The following LHFPL2 variants were observed in gnomAD, a reference collection of about 807,000 sequenced individuals.
LHFPL2 encodes LHFPL tetraspan subfamily member 2, also known as LHFPL tetraspan subfamily member 2 protein.
Under a neutral mutation model 17.5 loss-of-function variants are expected in LHFPL2, and 7 were observed. The observed-to-expected ratio is 0.40, with a 90% CI of 0.23 to 0.75. LHFPL2 has a LOEUF of 0.75. Ranked by LOEUF, LHFPL2 falls within the 30% of genes least tolerant of loss-of-function variation. LHFPL2 has a pLI of 0.37. For missense variants in LHFPL2, 241 were observed against 294.8 expected (o/e 0.82, Z 1.34); for synonymous variants, 134 against 116.2 (o/e 1.15, Z -0.99).
chr5:78,539,636 C>G (rs1756047950), intron 3 of LHFPL2, among the ~76,000 whole-genome samples: 1 of 152,090 alleles, frequency 6.6e-6, no homozygotes, highest in African/African-American at 2.4e-5. Context: ...TCCAAACCCC[C>G]CACACCATCA....
intron 2 of LHFPL2, among the ~76,000 whole-genome samples, chr5:78,580,519 T>G (rs1743083330): frequency 6.7e-6 from 1 of 148,688 alleles, no homozygotes; most frequent in Non-Finnish European, 1.5e-5. Context: ...AATTGATTTT[T>G]GTATAAGGTG....
chr5:78,523,134 G>GTGTGTT (rs1755510645), intron 3 of LHFPL2, among the ~76,000 whole-genome samples: 1 of 150,500 alleles, frequency 6.6e-6, no homozygotes, highest in Non-Finnish European at 1.5e-5. Flanking sequence ...GTGTGTGTGT[G>GTGTGTT]TGTATTTCTG....
At chr5:78,496,741 CAT>C (rs138595047) in intron 4 of LHFPL2, among the ~76,000 whole-genome samples, 6,482 of 152,310 alleles carry the variant, frequency 0.043, 209 homozygotes, top group Non-Finnish European at 0.062. Context: ...CAGTTATTCT[CAT>C]ATGAATTTAA....
chr5:78,546,174 T>A (rs972122713), intron 3 of LHFPL2, among the ~76,000 whole-genome samples: 1 of 152,158 alleles, frequency 6.6e-6, no homozygotes, highest in Non-Finnish European at 1.5e-5. Context: ...TTGTTAAGAT[T>A]ATACTGCTGG....
At chr5:78,489,771 A>T (rs1580737062) in intron 4 of LHFPL2, among the ~76,000 whole-genome samples, 1 of 152,206 alleles carries the variant, frequency 6.6e-6, no homozygotes, top group Non-Finnish European at 1.5e-5. Context: ...GCCAAATGTT[A>T]ACTTTATAAG....
At chr5:78,634,876 T>C (rs574205135) in intron 1 of LHFPL2, among the ~76,000 whole-genome samples, 2 of 152,358 alleles carry the variant, frequency 1.3e-5, no homozygotes, top group South Asian at 2.1e-4. Flanking sequence ...ACATTTTATT[T>C]GTGATAAGAA....
At chr5:78,551,105 A>C (rs1456422167) in intron 3 of LHFPL2, among the ~76,000 whole-genome samples, 1 of 152,186 alleles carries the variant, frequency 6.6e-6, no homozygotes, top group African/African-American at 2.4e-5. Context: ...CTTTTCTTAC[A>C]TTGTAAAATC....
At chr5:78,569,812 C>T (rs1387028584) in intron 2 of LHFPL2, among the ~76,000 whole-genome samples, 1 of 152,130 alleles carries the variant, frequency 6.6e-6, no homozygotes, top group Non-Finnish European at 1.5e-5. Flanking sequence ...CTAAGCCAAA[C>T]GTTGCTAATC....
intron 1 of LHFPL2, among the ~76,000 whole-genome samples, chr5:78,632,831 G>C (rs573876455): frequency 5.9e-5 from 9 of 152,290 alleles, no homozygotes; most frequent in African/African-American, 2.2e-4. Flanking sequence ...AGAGGCACCA[G>C]CTGATTTCAG....
chr5:78,586,223 C>T (rs1321570489), intron 2 of LHFPL2, among the ~76,000 whole-genome samples: 1 of 152,138 alleles, frequency 6.6e-6, no homozygotes, highest in African/African-American at 2.4e-5. Flanking sequence ...GAACTTTTTT[C>T]CTCATCCGAA....
chr5:78,531,936 T>C (rs190688987), intron 3 of LHFPL2, among the ~76,000 whole-genome samples: 35 of 151,540 alleles, frequency 2.3e-4, no homozygotes, highest in African/African-American at 8.5e-4. Flanking sequence ...AATTTTTTTT[T>C]TTTTTTGAGA....
rs1754243001 is a variant in LHFPL2, at chr5:78,486,415, A to ACTT, written c.*2481_*2482insAAG. The stretch of plus-strand genomic sequence containing the variant: ...ATTAGAAAAATAAGTGTGAGCCAAC[A>ACTT]ATCTATTTTTAACATTTCTTTCTAG... On this transcript the variant is annotated 3_prime_UTR_variant, in exon 5 of 5. Coordinates refer to ENST00000380345, the MANE Select transcript of LHFPL2 (RefSeq NM_005779.3). 1 of 152,196 alleles carries ACTT rather than the reference A, an allele frequency of 6.6e-6. No individual in the cohort carries two copies. The highest frequency in any genetic ancestry group is 6.5e-5 in the Admixed American group (1 of 15,282). The allele number at this position is 152,196 out of a possible 1,614,324, so 9.4% of individuals were successfully genotyped here.
intron 2 of LHFPL2, among the ~76,000 whole-genome samples, chr5:78,612,038 T>G (rs1744439765): frequency 6.6e-6 from 1 of 152,220 alleles, no homozygotes; most frequent in Non-Finnish European, 1.5e-5. Context: ...ATTTATTTGT[T>G]TCTTCTCCCA....
At chr5:78,557,681 T>C (rs1756615563) in intron 3 of LHFPL2, among the ~76,000 whole-genome samples, 1 of 152,150 alleles carries the variant, frequency 6.6e-6, no homozygotes, top group South Asian at 2.1e-4. Context: ...ATAGAACAAT[T>C]TGGATCAAAA....
intron 2 of LHFPL2, among the ~76,000 whole-genome samples, chr5:78,578,234 A>G (rs1757182575): frequency 6.6e-6 from 1 of 152,246 alleles, no homozygotes; most frequent in Non-Finnish European, 1.5e-5. Flanking sequence ...ATGCCAGCAC[A>G]TTATCTTTTT....
intron 3 of LHFPL2, among the ~76,000 whole-genome samples, chr5:78,549,842 T>A (rs1309566090): frequency 6.6e-6 from 1 of 152,216 alleles, no homozygotes; most frequent in Non-Finnish European, 1.5e-5. Context: ...ATATGGTAAT[T>A]CCTGAGTGGG....
chr5:78,636,395 C>T (rs1367223056), intron 1 of LHFPL2, among the ~76,000 whole-genome samples: 3 of 152,322 alleles, frequency 2.0e-5, no homozygotes, highest in South Asian at 2.1e-4. Flanking sequence ...GGAGCTACTT[C>T]TATATCCAGC....
intron 4 of LHFPL2, among the ~76,000 whole-genome samples, chr5:78,504,017 A>AT (rs572061852): frequency 2.8e-4 from 43 of 151,904 alleles, no homozygotes; most frequent in African/African-American, 8.0e-4. Context: ...ACATGTCTGC[A>AT]TTTTTTTTAC....
At chr5:78,539,213 G>A (rs1254137777) in intron 3 of LHFPL2, among the ~76,000 whole-genome samples, 1 of 152,174 alleles carries the variant, frequency 6.6e-6, no homozygotes, top group Non-Finnish European at 1.5e-5. Context: ...ACAACAGCAA[G>A]GTGCCATCTT....
Sources: allele counts gnomAD v4.1 joint callset (sites outside exome capture counted in the v4.1 genomes callset), GRCh38; gene constraint gnomAD v4.1.1; transcripts MANE v1.5; gene names NCBI Gene and HGNC (gene_info 2026-07-23, HGNC 2026-07-21).